Variants in MDGA2 observed in about 807,000 individuals in gnomAD.
MDGA2 encodes the protein MAM domain containing glycosylphosphatidylinositol anchor 2.
Under a neutral mutation model 117.8 loss-of-function variants are expected in MDGA2, and 40 were observed. That is an observed-to-expected ratio of 0.34 (90% CI 0.26 to 0.44). MDGA2 has a LOEUF of 0.44. Among genes scored for constraint, MDGA2 ranks in the 20% least tolerant of loss-of-function variants. The pLI is 1.00. For synonymous variants in MDGA2, 452 were observed against 439.0 expected (o/e 1.03, Z -0.37); for missense variants, 1,123 against 1,250.6 (o/e 0.90, Z 1.54).
intron 1 of MDGA2, among the ~76,000 whole-genome samples, chr14:47,637,020 C>CA (rs1368046964): frequency 6.6e-6 from 1 of 151,880 alleles, no homozygotes; most frequent in Non-Finnish European, 1.5e-5. Context: ...ATACTTAAAG[C>CA]AGTTTAAAAA....
At chr14:47,301,300 CA>C (rs1889274980) in intron 2 of MDGA2, 110 bp downstream of exon 2, 86 of 343,944 alleles carry the variant, frequency 2.5e-4, no homozygotes, top group South Asian at 5.9e-4. Flanking sequence ...CCCACCCACA[CA>C]CACACACACA....
intron 1 of MDGA2, among the ~76,000 whole-genome samples, chr14:47,438,918 T>G (rs1892948471): frequency 6.6e-6 from 1 of 152,166 alleles, no homozygotes; most frequent in African/African-American, 2.4e-5. Context: ...AGTGTGTCTA[T>G]TTTTAGGGCA....
chr14:47,104,788 C>A (rs142818613), intron 5 of MDGA2, among the ~76,000 whole-genome samples: 1 of 152,092 alleles, frequency 6.6e-6, no homozygotes, highest in African/African-American at 2.4e-5. Flanking sequence ...GTCCTCAGAC[C>A]GACCAGCCCA....
chr14:46,881,063 A>G (rs551599242), intron 11 of MDGA2, among the ~76,000 whole-genome samples: 7 of 146,306 alleles, frequency 4.8e-5, no homozygotes, highest in African/African-American at 1.7e-4. Context: ...ATTTTTTAAC[A>G]TTAGCAATAT....
Position 47,346,258 on chromosome 14 carries a change from T to C in MDGA2, c.281-44708A>G, listed in dbSNP as rs143717945. Among the ~76,000 whole-genome samples the C allele has an allele frequency of 4.7e-3, 715 of 152,096 alleles. 5 individuals are homozygous for C. The highest frequency in any genetic ancestry group is 0.016 in the African/African-American group (669 of 41,516). On this transcript the variant is annotated intron_variant, in intron 1 of 16. Transcript: ENST00000399232. ...ATTAAAAATTTAAAAACAAAACAAA[T>C]AGTCAAGCTAACAACAGTTAACGGA...
chr14:47,254,153 G>A (rs112554344), intron 2 of MDGA2, among the ~76,000 whole-genome samples: 9,992 of 152,244 alleles, frequency 0.066, 367 homozygotes, highest in Non-Finnish European at 0.076. Flanking sequence ...CTGCCATGAA[G>A]GTCTCTGACA....
At chr14:47,124,777 C>T (rs892393392) in intron 5 of MDGA2, among the ~76,000 whole-genome samples, 11 of 152,014 alleles carry the variant, frequency 7.2e-5, no homozygotes, top group Non-Finnish European at 1.3e-4. Flanking sequence ...TTCTCTCTTT[C>T]CCTCCATGAA....
intron 2 of MDGA2, among the ~76,000 whole-genome samples, chr14:47,272,884 T>C (rs1888192172): frequency 6.6e-6 from 1 of 152,152 alleles, no homozygotes; most frequent in Non-Finnish European, 1.5e-5. Flanking sequence ...TGCCATTAAA[T>C]TAGCTTAGCT....
chr14:47,606,789 A>G (rs997061323), intron 1 of MDGA2, among the ~76,000 whole-genome samples: 2 of 152,222 alleles, frequency 1.3e-5, no homozygotes, highest in Non-Finnish European at 2.9e-5. Context: ...CATCTTCTGT[A>G]AAACTGAAAT....
chr14:47,640,146 A>G (rs1335067181), intron 1 of MDGA2, among the ~76,000 whole-genome samples: 1 of 152,160 alleles, frequency 6.6e-6, no homozygotes, highest in Non-Finnish European at 1.5e-5. Context: ...CGTAAGTCAT[A>G]TATTTCTCCA....
chr14:47,245,794 C>A (rs1887217525), intron 2 of MDGA2, among the ~76,000 whole-genome samples: 1 of 151,690 alleles, frequency 6.6e-6, no homozygotes, highest in Non-Finnish European at 1.5e-5. Flanking sequence ...GAAATTCACT[C>A]AAATAGGAAC....
chr14:47,178,351 G>C (rs1341775272), intron 3 of MDGA2, among the ~76,000 whole-genome samples: 3 of 152,080 alleles, frequency 2.0e-5, no homozygotes, highest in South Asian at 2.1e-4. Context: ...AGGGCCACAA[G>C]GCTGACATCA....
At chr14:47,429,803 A>C (rs2138524107) in intron 1 of MDGA2, among the ~76,000 whole-genome samples, 1 of 151,990 alleles carries the variant, frequency 6.6e-6, no homozygotes, top group South Asian at 2.1e-4. Flanking sequence ...GGAAAGATGG[A>C]GTAATACCAA....
chr14:47,110,347 A>G lies in MDGA2; in HGVS notation c.926-13224T>C, dbSNP rs117942159. ...TATGTACATACTTTAATGGGGATTT[A>G]GCAAATTAGTCAAGATTTAAAGCTC... On this transcript the variant is annotated intron_variant, in intron 5 of 16. Coordinates refer to ENST00000399232, the MANE Select transcript of MDGA2 (RefSeq NM_001113498.3). Among the ~76,000 whole-genome samples, 195 of 152,308 alleles carry G rather than the reference A, an allele frequency of 1.3e-3. 3 individuals carry two copies. The East Asian group carries it at 0.034, about 27-fold the overall frequency.
chr14:47,499,872 T>G (rs753233194), intron 1 of MDGA2, among the ~76,000 whole-genome samples: 15 of 152,144 alleles, frequency 9.9e-5, no homozygotes, highest in Non-Finnish European at 2.1e-4. Flanking sequence ...CATTCTCTCA[T>G]TTTGTGTCCA....
intron 11 of MDGA2, among the ~76,000 whole-genome samples, chr14:46,880,496 T>C (rs912937210): frequency 1.3e-5 from 2 of 151,774 alleles, no homozygotes; most frequent in African/African-American, 4.8e-5. Flanking sequence ...TTTATCTCTT[T>C]AGTATACAGT....
intron 1 of MDGA2, among the ~76,000 whole-genome samples, chr14:47,550,818 T>C (rs2138776915): frequency 6.6e-6 from 1 of 152,352 alleles, no homozygotes; most frequent in South Asian, 2.1e-4. Context: ...TAATCAGTTC[T>C]GTTTAGGGGA....
intron 3 of MDGA2, 39 bp from the exon 4 acceptor site, chr14:47,144,313 G>A (rs1194977316): frequency 6.8e-7 from 1 of 1,470,606 alleles, no homozygotes; most frequent in Admixed American, 2.1e-5. Flanking sequence ...AATGTTATGA[G>A]ATAGATGACT....
At chr14:47,120,612 C>G (rs1299021747) in intron 5 of MDGA2, among the ~76,000 whole-genome samples, 1 of 152,050 alleles carries the variant, frequency 6.6e-6, no homozygotes, top group African/African-American at 2.4e-5. Context: ...TTTGCAGAAG[C>G]TGGAAATTGA....
Sources: allele counts gnomAD v4.1 joint callset (sites outside exome capture counted in the v4.1 genomes callset), GRCh38; gene constraint gnomAD v4.1.1; transcripts MANE v1.5; gene names NCBI Gene and HGNC (gene_info 2026-07-23, HGNC 2026-07-21).